The following ATXN10 variants were observed in gnomAD, a reference collection of about 807,000 sequenced individuals.
ATXN10 encodes the protein ataxin 10.
In ATXN10, 28 loss-of-function variants were observed where a neutral mutation model predicts 52.9. That is an observed-to-expected ratio of 0.53 (90% CI 0.39 to 0.73). The LOEUF is 0.73. ATXN10 is among the 30% of genes least tolerant of loss of function. The pLI, the probability that ATXN10 is intolerant of heterozygous loss-of-function variation, is 0.00. For synonymous variants in ATXN10, 226 were observed against 221.5 expected (o/e 1.02, Z -0.18); for missense variants, 565 against 577.0 (o/e 0.98, Z 0.21).
In ATXN10 at chr22:45,684,146, T is replaced by G. The variant is rs1923039988; in HGVS notation, c.117-5566T>G. Among the ~76,000 whole-genome samples the G allele has an allele frequency of 6.6e-6, 1 of 151,874 alleles. No homozygotes were observed. The highest frequency in any genetic ancestry group is 6.6e-5 in the Admixed American group (1 of 15,254). On this transcript the variant is annotated intron_variant, in intron 1 of 11. Transcript: ENST00000252934. This position sits in a 1 kb window ranked among gnomAD's most constrained non-coding sequence, Gnocchi z 4.1. ...TAAAACAAGTTTTTTTGTTTTTTTTTTTTTTGTAGAGATAGGGTCTTGCTA... is the reference window on the plus strand; with the variant it reads ...TAAAACAAGTTTTTTTGTTTTTTTTGTTTTTGTAGAGATAGGGTCTTGCTA...
chr22:45,812,719 A>G (rs1347117118), intron 10 of ATXN10, among the ~76,000 whole-genome samples: 1 of 152,194 alleles, frequency 6.6e-6, no homozygotes, highest in Non-Finnish European at 1.5e-5. Flanking sequence ...ATCCACTAAT[A>G]ACACCACCAC....
chr22:45,834,634 A>G (rs1201389419), intron 10 of ATXN10, among the ~76,000 whole-genome samples: 1 of 152,196 alleles, frequency 6.6e-6, no homozygotes, highest in East Asian at 1.9e-4. Flanking sequence ...GAACTCTGGG[A>G]GCTACCGCCT....
intron 6 of ATXN10, among the ~76,000 whole-genome samples, chr22:45,719,068 T>C (rs930497616): frequency 6.6e-5 from 10 of 151,698 alleles, no homozygotes; most frequent in Non-Finnish European, 1.2e-4. Context: ...TTTTTTTTCC[T>C]AAACCTCTAT....
intron 9 of ATXN10, among the ~76,000 whole-genome samples, chr22:45,764,246 C>G (rs1170660630): frequency 6.6e-6 from 1 of 152,038 alleles, no homozygotes; most frequent in Non-Finnish European, 1.5e-5. Flanking sequence ...GCCCCCACCC[C>G]CACTCCCACT....
At position 45,684,463 on chromosome 22, in the gene ATXN10, G is replaced by GT. The variant is rs1923055363; in HGVS notation, c.117-5243dup. Among the ~76,000 whole-genome samples, 1 of 152,032 alleles carries GT rather than the reference G, an allele frequency of 6.6e-6. No homozygotes were observed. The highest frequency in any genetic ancestry group is 2.1e-4 in the South Asian group (1 of 4,806). Reference sequence around the variant, plus strand: ...TTTTATGACCCATGAGTTAAGAATGGTTTTTTACGTTTCTAAATGGTTGGG... The same window carrying GT: ...TTTTATGACCCATGAGTTAAGAATGGTTTTTTTACGTTTCTAAATGGTTGGG... On this transcript the variant is annotated intron_variant, in intron 1 of 11. Transcript: ENST00000252934. The surrounding 1 kb of genome is among the most constrained non-coding windows in gnomAD (Gnocchi z 4.1).
chr22:45,704,773 C>A (rs1007567579), intron 5 of ATXN10, among the ~76,000 whole-genome samples: 2 of 151,912 alleles, frequency 1.3e-5, no homozygotes, highest in South Asian at 4.2e-4. Context: ...TCTTTCTTTT[C>A]CTTGCCTAGT....
rs956775400 is a variant in ATXN10, at chr22:45,828,218, GAA to G, written c.1238-14767_1238-14766del. Among the ~76,000 whole-genome samples, 5 of 150,228 alleles carry G rather than the reference GAA, an allele frequency of 3.3e-5. No homozygotes were observed. Among genetic ancestry groups the G allele is most frequent in the African/African-American group, 9.8e-5 (4 of 40,890 alleles). On this transcript the variant is annotated intron_variant, in intron 10 of 11. Transcript: ENST00000252934. This position sits in a 1 kb window ranked among gnomAD's most constrained non-coding sequence, Gnocchi z 4.5. ...ACTTTAAAAAAGAAAAAAAAAAGAA[GAA>G]AAAAATATTTAGAGACAAATGAAAA... is the stretch of plus-strand genomic sequence containing the variant.
chr22:45,749,183 C>T (rs1038503399), intron 9 of ATXN10, among the ~76,000 whole-genome samples: 2 of 152,150 alleles, frequency 1.3e-5, no homozygotes, highest in South Asian at 2.1e-4. Flanking sequence ...AGGCTTTAAG[C>T]GTGAAGGCAG....
In ATXN10 at chr22:45,728,619, A is replaced by G. The variant is rs1422428736; in HGVS notation, c.729-806A>G. 6.6e-6 allele frequency among the ~76,000 whole-genome samples: 1 copy of G among 152,244 alleles called. No homozygotes were observed. The highest frequency in any genetic ancestry group is 1.5e-5 in the Non-Finnish European group (1 of 68,044). Reference sequence around the variant, plus strand: ...ATGTTCGTACCCTGTCTTCTATAGAAATTAGAATTATACGTATAATCCCAA... The same window carrying G: ...ATGTTCGTACCCTGTCTTCTATAGAGATTAGAATTATACGTATAATCCCAA... On this transcript the variant is annotated intron_variant, in intron 6 of 11. Transcript: ENST00000252934. The surrounding 1 kb of genome is among the most constrained non-coding windows in gnomAD (Gnocchi z 4.3).
intron 7 of ATXN10, among the ~76,000 whole-genome samples, chr22:45,735,279 C>T (rs1925249406): frequency 6.6e-6 from 1 of 151,818 alleles, no homozygotes; most frequent in Admixed American, 6.6e-5. Flanking sequence ...AGTGAATAAT[C>T]TTATCCTTTC....
At chr22:45,720,664 A>G (rs1431518618) in intron 6 of ATXN10, among the ~76,000 whole-genome samples, 2 of 152,194 alleles carry the variant, frequency 1.3e-5, no homozygotes, top group African/African-American at 4.8e-5. Context: ...TAGGATGGCT[A>G]CTATCAACAA....
intron 9 of ATXN10, among the ~76,000 whole-genome samples, chr22:45,801,429 T>C (rs1927928119): frequency 6.6e-6 from 1 of 152,204 alleles, no homozygotes; most frequent in Non-Finnish European, 1.5e-5. Context: ...TGCCCAGGCA[T>C]TGTGGACAAA....
chr22:45,829,766 A>G (rs1928929350), intron 10 of ATXN10, among the ~76,000 whole-genome samples: 1 of 152,198 alleles, frequency 6.6e-6, no homozygotes, highest in South Asian at 2.1e-4. Context: ...TCATGTGTTG[A>G]AAAACAATAT....
chr22:45,791,781 C>CAT (rs1330299018), intron 9 of ATXN10, among the ~76,000 whole-genome samples: 1 of 152,140 alleles, frequency 6.6e-6, no homozygotes, highest in African/African-American at 2.4e-5. Context: ...GGAACAAAGT[C>CAT]ATACTAGCCT....
rs1923037032 is a variant in ATXN10, at chr22:45,684,111, C to G, written c.117-5601C>G. ...GGACTACGAGGCACAGACCATCAAG[C>G]CCAGCTAATTAAAACAAGTTTTTTT... On this transcript the variant is annotated intron_variant, in intron 1 of 11. Transcript: ENST00000252934. This position sits in a 1 kb window ranked among gnomAD's most constrained non-coding sequence, Gnocchi z 4.1. 6.7e-6 allele frequency among the ~76,000 whole-genome samples: 1 copy of G among 148,654 alleles called. No individual in the cohort carries two copies. The highest frequency in any genetic ancestry group is 2.5e-5 in the African/African-American group (1 of 40,038).
At chr22:45,748,303 TC>T (rs1177633382) in intron 9 of ATXN10, among the ~76,000 whole-genome samples, 8 of 152,180 alleles carry the variant, frequency 5.3e-5, no homozygotes, top group Admixed American at 4.6e-4. Context: ...TTCCAGTGTC[TC>T]CCCATTATAT....
At chr22:45,695,080 C>T (rs1039533610) in intron 3 of ATXN10, among the ~76,000 whole-genome samples, 1 of 151,670 alleles carries the variant, frequency 6.6e-6, no homozygotes, top group African/African-American at 2.4e-5. Context: ...CCTGTAATCC[C>T]AGCACTTTGG....
intron 6 of ATXN10, among the ~76,000 whole-genome samples, chr22:45,726,648 G>T (rs1296487236): frequency 6.6e-6 from 1 of 152,006 alleles, no homozygotes; most frequent in African/African-American, 2.4e-5. Context: ...ATTTAGTTCT[G>T]CTCTGATCTT....
At chr22:45,738,015 T>C (rs1426432341) in intron 7 of ATXN10, among the ~76,000 whole-genome samples, 1 of 152,230 alleles carries the variant, frequency 6.6e-6, no homozygotes, top group Non-Finnish European at 1.5e-5. Context: ...TGCCACATTT[T>C]GTCAAATGAT....
Sources: allele counts gnomAD v4.1 joint callset (sites outside exome capture counted in the v4.1 genomes callset), GRCh38; gene constraint gnomAD v4.1.1; non-coding constraint Gnocchi (gnomAD v3.1); transcripts MANE v1.5; gene names NCBI Gene and HGNC (gene_info 2026-07-23, HGNC 2026-07-21).